Variants in SHB observed in about 807,000 individuals in gnomAD.
SHB encodes SH2 domain containing adaptor protein B.
Under a neutral mutation model 52.3 loss-of-function variants are expected in SHB, and 20 were observed. The observed-to-expected ratio is 0.38, with a 90% CI of 0.27 to 0.56. The LOEUF (loss-of-function observed/expected upper bound fraction) is 0.56, where lower values mean the gene tolerates loss of function less well. SHB is among the 20% of genes least tolerant of loss of function. The pLI is 0.71. For missense variants in SHB, 825 were observed against 723.3 expected, an observed-to-expected ratio of 1.14 and a Z score of -1.61; for synonymous variants, 397 against 316.5, an observed-to-expected ratio of 1.25 and a Z score of -2.70.
At position 37,916,676 on chromosome 9, in the gene SHB, G is replaced by A. The variant is rs1053936216; in HGVS notation, c.*3145C>T. Among the ~76,000 whole-genome samples, 22 of 152,368 alleles carry A rather than the reference G, an allele frequency of 1.4e-4. No individual in the cohort carries two copies. The East Asian group carries it at 3.3e-3, about 23-fold the overall frequency. ...GCACCCCTTTCCTGGGAACAGCTAC[G>A]CTGTGAGCCTCTCTCCAGGAGAGGG... is the stretch of plus-strand genomic sequence containing the variant. On this transcript the variant is annotated 3_prime_UTR_variant, in exon 6 of 6. Transcript: ENST00000377707.
chr9:38,038,079 C>T (rs931822547), intron 1 of SHB, among the ~76,000 whole-genome samples: 1 of 152,224 alleles, frequency 6.6e-6, no homozygotes, highest in Non-Finnish European at 1.5e-5. Context: ...CACCCAGAAT[C>T]TTCCCCTAAC....
At chr9:37,938,968 A>G (rs1404950000) in intron 5 of SHB, among the ~76,000 whole-genome samples, 1 of 152,084 alleles carries the variant, frequency 6.6e-6, no homozygotes, top group East Asian at 1.9e-4. Context: ...CAGCCGGGAG[A>G]GCCACTATCC....
chr9:38,027,314 G>A, intron 1 of SHB, among the ~76,000 whole-genome samples: 1 of 152,284 alleles, frequency 6.6e-6, no homozygotes, highest in Non-Finnish European at 1.5e-5. Flanking sequence ...CACTTTCACT[G>A]GGAAAACATC....
At chr9:38,039,382 AC>A (rs2118135366) in intron 1 of SHB, among the ~76,000 whole-genome samples, 1 of 152,386 alleles carries the variant, frequency 6.6e-6, no homozygotes, top group Non-Finnish European at 1.5e-5. Flanking sequence ...CGCAGTGGGA[AC>A]TGCTTAGTCA....
chr9:38,054,751 G>GTAGAA (rs1158236627), intron 1 of SHB, among the ~76,000 whole-genome samples: 1 of 152,192 alleles, frequency 6.6e-6, no homozygotes, highest in East Asian at 1.9e-4. Flanking sequence ...CAAGACAGTA[G>GTAGAA]TAGAATCTAC....
intron 1 of SHB, among the ~76,000 whole-genome samples, chr9:38,021,964 A>AG (rs1226536125): frequency 6.6e-6 from 1 of 152,198 alleles, no homozygotes; most frequent in African/African-American, 2.4e-5. Context: ...CCGGAAAGTG[A>AG]GGGGGCAGCA....
At chr9:37,970,479 G>C (rs1270167544) in intron 3 of SHB, among the ~76,000 whole-genome samples, 2 of 151,960 alleles carry the variant, frequency 1.3e-5, no homozygotes, top group Non-Finnish European at 2.9e-5. Flanking sequence ...TGCCCAAGAA[G>C]GGCGCCCCGG....
chr9:38,030,532 T>C (rs1183554140), intron 1 of SHB, among the ~76,000 whole-genome samples: 1 of 152,092 alleles, frequency 6.6e-6, no homozygotes, highest in Non-Finnish European at 1.5e-5. Context: ...GTTAAGAACA[T>C]TAGGTTCTTA....
intron 3 of SHB, among the ~76,000 whole-genome samples, chr9:37,974,147 T>C (rs1017035971): frequency 3.9e-5 from 6 of 152,012 alleles, no homozygotes; most frequent in African/African-American, 1.2e-4. Context: ...TCCCAGCTGC[T>C]TGAGAGGCTG....
intron 1 of SHB, among the ~76,000 whole-genome samples, chr9:38,066,686 T>C (rs1479465386): frequency 1.3e-5 from 2 of 152,116 alleles, no homozygotes; most frequent in African/African-American, 2.4e-5. Context: ...GGGGATATTC[T>C]GGGGACCTCG....
At chr9:37,994,949 G>A (rs1820929789) in intron 2 of SHB, among the ~76,000 whole-genome samples, 1 of 152,174 alleles carries the variant, frequency 6.6e-6, no homozygotes, top group Non-Finnish European at 1.5e-5. Context: ...CTGATTCCAG[G>A]GCTCAGCAAC....
intron 1 of SHB, among the ~76,000 whole-genome samples, chr9:38,024,239 T>C (rs1040556697): frequency 2.6e-5 from 4 of 152,120 alleles, no homozygotes; most frequent in Non-Finnish European, 5.9e-5. Flanking sequence ...ACCACTAAAG[T>C]GTCTTCCCTA....
intron 1 of SHB, among the ~76,000 whole-genome samples, chr9:38,031,523 G>C (rs967458991): frequency 1.3e-5 from 2 of 152,120 alleles, no homozygotes; most frequent in Admixed American, 6.6e-5. Context: ...CCCCAGGTGA[G>C]TGTTTCAGTC....
chr9:38,020,821 G>C (rs908634784), intron 1 of SHB, among the ~76,000 whole-genome samples: 4 of 152,078 alleles, frequency 2.6e-5, no homozygotes, highest in Admixed American at 6.6e-5. Context: ...GTGACGGGGT[G>C]GGGGGGTGGC....
At chr9:38,018,268 A>C (rs1333316519) in intron 1 of SHB, among the ~76,000 whole-genome samples, 1 of 152,136 alleles carries the variant, frequency 6.6e-6, no homozygotes. Flanking sequence ...CAGGATATAA[A>C]CCAAATCTTT....
At chr9:37,968,417 G>A (rs971875454) in intron 3 of SHB, among the ~76,000 whole-genome samples, 3 of 152,206 alleles carry the variant, frequency 2.0e-5, no homozygotes, top group Non-Finnish European at 1.5e-5. Context: ...GTCCCAACAT[G>A]CAAGACACTG....
intron 5 of SHB, among the ~76,000 whole-genome samples, chr9:37,935,925 GA>G (rs71896998): frequency 0.43 from 63,082 of 148,330 alleles, 13,964 homozygotes; most frequent in African/African-American, 0.58. Context: ...CCTCATTAAA[GA>G]AAAAAAAAAT....
chr9:38,014,860 G>A (rs559748330), intron 2 of SHB, among the ~76,000 whole-genome samples: 17 of 152,208 alleles, frequency 1.1e-4, no homozygotes, highest in Admixed American at 2.0e-4. Flanking sequence ...AGCTGACGCT[G>A]GACATGGACC....
intron 2 of SHB, among the ~76,000 whole-genome samples, chr9:37,999,613 T>C (rs1481746849): frequency 6.6e-6 from 1 of 151,772 alleles, no homozygotes; most frequent in Non-Finnish European, 1.5e-5. Context: ...GCATACTGAG[T>C]GGAGGTCTGA....
Sources: gnomAD v4.1 joint callset for allele counts (sites outside exome capture counted in the v4.1 genomes callset) on GRCh38, gnomAD v4.1.1 for gene constraint, MANE v1.5 for transcripts, NCBI Gene and HGNC (gene_info 2026-07-23, HGNC 2026-07-21) for gene names.